The following ADCY1 variants were observed in gnomAD, a reference collection of about 807,000 sequenced individuals.
The protein encoded by ADCY1 is adenylate cyclase 1.
A neutral mutation model predicts 105.4 loss-of-function variants in ADCY1; 28 were observed. The observed-to-expected ratio is 0.27, with a 90% CI of 0.20 to 0.36. ADCY1 has a LOEUF of 0.36. Ranked by LOEUF, ADCY1 falls within the 10% of genes least tolerant of loss-of-function variation. ADCY1 has a pLI of 1.00. For missense variants in ADCY1, 977 were observed against 1,434.2 expected, an observed-to-expected ratio of 0.68 and a Z score of 5.15; for synonymous variants, 655 against 623.8, an observed-to-expected ratio of 1.05 and a Z score of -0.75.
intron 4 of ADCY1, among the ~76,000 whole-genome samples, 185 bp downstream of exon 4, chr7:45,622,928 A>G (rs1378599012): frequency 1.3e-5 from 2 of 152,164 alleles, no homozygotes; most frequent in African/African-American, 2.4e-5. Flanking sequence ...CTTGAACCGG[A>G]GCCTTGCATT....
chr7:45,593,008 G>T lies in ADCY1; in HGVS notation c.789+100G>T, dbSNP rs951586147. On this transcript the variant is annotated intron_variant, in intron 2 of 19. Transcript: ENST00000297323. ...GCCTCAGTTTACCCCGTGGTGACAT[G>T]GGCCACAATTCCCATTGGTACATGT... 2.0e-6 allele frequency: 3 copies of T among 1,485,606 alleles called. No homozygotes were observed. In the African/African-American group the frequency reaches 4.2e-5, roughly 21 times the overall value. The allele number at this position is 1,485,606 out of a possible 1,614,324, so 92.0% of individuals were successfully genotyped here. A position where few individuals can be genotyped will look rare whatever the true frequency, so the allele number is the denominator to read the frequency against.
At chr7:45,657,573 C>T (rs543486113) in intron 5 of ADCY1, among the ~76,000 whole-genome samples, 154 bp from the exon 6 acceptor site, 1 of 152,344 alleles carries the variant, frequency 6.6e-6, no homozygotes, top group African/African-American at 2.4e-5. Context: ...TCCATGTCCA[C>T]TGACTATGCC....
At chr7:45,598,414 A>G (rs1347391705) in intron 2 of ADCY1, among the ~76,000 whole-genome samples, 1 of 152,248 alleles carries the variant, frequency 6.6e-6, no homozygotes, top group African/African-American at 2.4e-5. Flanking sequence ...TTTCTGAACA[A>G]AAATGTCAAA....
chr7:45,594,372 A>G (rs974096454), intron 2 of ADCY1, among the ~76,000 whole-genome samples: 1 of 152,170 alleles, frequency 6.6e-6, no homozygotes, highest in African/African-American at 2.4e-5. Flanking sequence ...TGGGAGGCAT[A>G]TAGCCTTATT....
At chr7:45,667,912 C>T (rs1346803884) in intron 8 of ADCY1, among the ~76,000 whole-genome samples, 1 of 152,152 alleles carries the variant, frequency 6.6e-6, no homozygotes, top group Non-Finnish European at 1.5e-5. Flanking sequence ...GGAGTTCACT[C>T]ATGATTTAGC....
chr7:45,713,835 C>T lies in ADCY1; in HGVS notation c.3200C>T (p.Ser1067Phe), dbSNP rs201599762. The T allele has an allele frequency of 4.0e-5, 31 of 780,914 alleles. No homozygotes were observed. In the East Asian group the frequency reaches 7.3e-4, roughly 18 times the overall value. The allele number at this position is 780,914 out of a possible 1,614,324, so 48.4% of individuals were successfully genotyped here. ...GATGGAAACGGCTCCCAAATCAGGT[C>T]CCTGGGCTTGGATCGGAAAATGTGT... ...RTDGNGSQIRSLGLDRKMCPF... is the reference protein window; with the variant it reads ...RTDGNGSQIRFLGLDRKMCPF... The change falls in exon 20 of 20, where the codon TCC (serine) becomes TTC (phenylalanine). Residue 1067 changes from serine to phenylalanine, a missense_variant. This residue lies in a region of ADCY1 where 78 missense variants were observed against 60.0 expected (regional missense o/e 1.30). Transcript: ENST00000297323.
chr7:45,706,614 A>C (rs1474157979), intron 17 of ADCY1, among the ~76,000 whole-genome samples: 3 of 152,180 alleles, frequency 2.0e-5, no homozygotes, highest in South Asian at 4.1e-4. Context: ...AGAAGATAAC[A>C]TAGAAGAAAA....
chr7:45,664,048 C>A (rs1014933108), intron 8 of ADCY1, among the ~76,000 whole-genome samples: 1 of 152,156 alleles, frequency 6.6e-6, no homozygotes, highest in East Asian at 1.9e-4. Context: ...GCCAACTGAC[C>A]TAGCACGATT....
chr7:45,651,589 C>T (rs935604647), intron 5 of ADCY1, among the ~76,000 whole-genome samples: 2 of 152,176 alleles, frequency 1.3e-5, no homozygotes, highest in Non-Finnish European at 2.9e-5. Flanking sequence ...CGCAGCTGGC[C>T]CACTGATTCT....
At chr7:45,620,175 A>G (rs1190104634) in intron 3 of ADCY1, among the ~76,000 whole-genome samples, 2 of 152,210 alleles carry the variant, frequency 1.3e-5, no homozygotes, top group South Asian at 2.1e-4. Context: ...TTCCACTTGT[A>G]TGAGGTATTT....
intron 1 of ADCY1, among the ~76,000 whole-genome samples, chr7:45,587,406 A>G (rs1268625836): frequency 2.6e-5 from 4 of 152,146 alleles, no homozygotes; most frequent in Admixed American, 2.0e-4. Flanking sequence ...GACTTTGACT[A>G]CAGCCTGATT....
intron 4 of ADCY1, among the ~76,000 whole-genome samples, chr7:45,631,423 C>T (rs1036597871): frequency 6.6e-6 from 1 of 152,190 alleles, no homozygotes; most frequent in Non-Finnish European, 1.5e-5. Flanking sequence ...ATCACTGGTA[C>T]GGGCATATGT....
At position 45,677,980 on chromosome 7, in the gene ADCY1, T is replaced by G. The variant is rs767043187; in HGVS notation, c.1717T>G (p.Leu573Val). 6 of 1,614,216 alleles carry G rather than the reference T, an allele frequency of 3.7e-6. No homozygotes were observed. The highest frequency in any genetic ancestry group is 1.7e-5 in the Admixed American group (1 of 60,026). The change falls in exon 9 of 20, where the codon TTA becomes GTA. Residue 573 changes from leucine to valine, a missense_variant. Leu to Val is a conservative substitution (Grantham distance 32). This residue lies in a region of ADCY1 where 275 missense variants were observed against 362.1 expected (regional missense o/e 0.76). Coordinates refer to ENST00000297323, the MANE Select transcript of ADCY1 (RefSeq NM_021116.4). Reference protein sequence around the residue: ...TRVNRYISRLLEARQTELEMA... With the variant: ...TRVNRYISRLVEARQTELEMA... ...CGTCAACAGGTACATCAGCCGCCTCTTAGAAGCCCGCCAGACAGAGCTGGA... is the reference window on the plus strand; with the variant it reads ...CGTCAACAGGTACATCAGCCGCCTCGTAGAAGCCCGCCAGACAGAGCTGGA...
At position 45,716,085 on chromosome 7, in the gene ADCY1, G is replaced by C. The variant is rs1262298120; in HGVS notation, c.*2090G>C. 1 of 152,644 alleles carries C rather than the reference G, an allele frequency of 6.6e-6. No homozygotes were observed. The highest frequency in any genetic ancestry group is 1.5e-5 in the Non-Finnish European group (1 of 68,406). The allele number at this position is 152,644 out of a possible 1,614,324, so 9.5% of individuals were successfully genotyped here. ...TTCCTTGGGTGGTCCTCATGTCGCT[G>C]TCCGCTCATGTTCCTGGTGTTCTGG... On this transcript the variant is annotated 3_prime_UTR_variant, in exon 20 of 20. Transcript: ENST00000297323.
intron 7 of ADCY1, 127 bp from the exon 8 acceptor site, chr7:45,661,932 T>G: frequency 8.5e-7 from 1 of 1,171,020 alleles, no homozygotes; most frequent in Non-Finnish European, 1.2e-6. Flanking sequence ...TGGCTTGAAG[T>G]AGGCGCTGAG....
chr7:45,688,595 G>A (rs1330597529), intron 14 of ADCY1, among the ~76,000 whole-genome samples: 1 of 152,180 alleles, frequency 6.6e-6, no homozygotes, highest in Admixed American at 6.5e-5. Flanking sequence ...TAAAGTGATG[G>A]AAATTATGTT....
At chr7:45,603,679 T>C (rs1584262313) in intron 2 of ADCY1, among the ~76,000 whole-genome samples, 1 of 152,312 alleles carries the variant, frequency 6.6e-6, no homozygotes, top group East Asian at 1.9e-4. Flanking sequence ...TCATGTTCCC[T>C]TTAAATAGCC....
chr7:45,693,808 C>T (rs1265302997), intron 14 of ADCY1, among the ~76,000 whole-genome samples: 1 of 143,364 alleles, frequency 7.0e-6, no homozygotes, highest in African/African-American at 2.6e-5. Context: ...AGTTCATATC[C>T]TTTGTAGGGA....
At chr7:45,636,248 A>G (rs1019766636) in intron 4 of ADCY1, among the ~76,000 whole-genome samples, 4 of 152,238 alleles carry the variant, frequency 2.6e-5, no homozygotes, top group Admixed American at 2.6e-4. Flanking sequence ...GTCCCTTATA[A>G]AAAATGGCAT....
Sources: allele counts gnomAD v4.1 joint callset (sites outside exome capture counted in the v4.1 genomes callset), GRCh38; gene constraint gnomAD v4.1.1; regional missense constraint gnomAD v4.1.1; transcripts MANE v1.5; gene names NCBI Gene and HGNC (gene_info 2026-07-23, HGNC 2026-07-21).